MCTP2: variants seen among roughly 807,000 people sequenced by gnomAD.
MCTP2 encodes the protein multiple C2 and transmembrane domain containing 2, also known as multiple C2 and transmembrane domain-containing protein 2.
MCTP2 carries 132 observed loss-of-function variants against 111.6 expected under a neutral mutation model. The ratio of observed to expected loss-of-function variants is 1.18; its 90% CI spans 1.03 to 1.37. The LOEUF (loss-of-function observed/expected upper bound fraction) is 1.37, where lower values mean the gene tolerates loss of function less well. Among genes scored for constraint, MCTP2 ranks in the 40% most tolerant of loss-of-function variants. The probability of loss-of-function intolerance (pLI) is 0.00; values close to 1 mark genes in which losing one functional copy is unlikely to be tolerated. For missense variants in MCTP2, 1,183 were observed against 1,067.9 expected, an observed-to-expected ratio of 1.11 and a Z score of -1.50; for synonymous variants, 395 against 387.7, an observed-to-expected ratio of 1.02 and a Z score of -0.22.
chr15:94,367,529 G>C, intron 10 of MCTP2, 76 bp from the exon 11 acceptor site: 1 of 1,173,002 alleles, frequency 8.5e-7, no homozygotes, highest in East Asian at 2.5e-5. Context: ...TGAAATCAAA[G>C]CCAGGTGCTT....
chr15:94,360,635 T>C (rs1208239370), intron 10 of MCTP2, among the ~76,000 whole-genome samples: 2 of 152,226 alleles, frequency 1.3e-5, no homozygotes, highest in Non-Finnish European at 1.5e-5. Context: ...TCACAAGTCA[T>C]TGTGCTGTCA....
At chr15:94,362,094 A>G (rs2078972304) in intron 10 of MCTP2, among the ~76,000 whole-genome samples, 1 of 152,156 alleles carries the variant, frequency 6.6e-6, no homozygotes, top group African/African-American at 2.4e-5. Flanking sequence ...GGTAAGATCA[A>G]CCATCGCCTG....
At chr15:94,474,538 C>A (rs2152543834) in intron 21 of MCTP2, among the ~76,000 whole-genome samples, 1 of 152,248 alleles carries the variant, frequency 6.6e-6, no homozygotes, top group East Asian at 1.9e-4. Flanking sequence ...TCCTACGTCA[C>A]AACCTTTTTT....
intron 4 of MCTP2, among the ~76,000 whole-genome samples, chr15:94,325,847 G>T (rs58118465): frequency 1.0e-5 from 1 of 98,528 alleles, no homozygotes; most frequent in Admixed American, 1.2e-4. Flanking sequence ...TTGAGACGGA[G>T]TCTTGGTCTG....
chr15:94,320,836 G>A (rs1319573408), intron 4 of MCTP2, among the ~76,000 whole-genome samples: 1 of 152,182 alleles, frequency 6.6e-6, no homozygotes, highest in African/African-American at 2.4e-5. Context: ...CTTATTGAGG[G>A]TCACGTTGGG....
intron 19 of MCTP2, among the ~76,000 whole-genome samples, chr15:94,455,032 G>A (rs2084726612): frequency 6.6e-6 from 1 of 152,196 alleles, no homozygotes; most frequent in Non-Finnish European, 1.5e-5. Flanking sequence ...ATGTTGGCAA[G>A]GCTGGTCTCA....
chr15:94,345,224 C>G (rs1436426830), intron 8 of MCTP2, 60 bp downstream of exon 8: 3 of 1,474,516 alleles, frequency 2.0e-6, no homozygotes, highest in Non-Finnish European at 2.8e-6. Flanking sequence ...TTGTAGCAAA[C>G]AAAAATGACT....
At chr15:94,384,774 T>A (rs1302691833) in intron 13 of MCTP2, among the ~76,000 whole-genome samples, 2 of 152,156 alleles carry the variant, frequency 1.3e-5, no homozygotes, top group Admixed American at 6.5e-5. Context: ...TTGAGTAGAG[T>A]TAATGCTATT....
At chr15:94,242,433 T>C (rs1008272377) in intron 1 of MCTP2, among the ~76,000 whole-genome samples, 6 of 152,108 alleles carry the variant, frequency 3.9e-5, no homozygotes, top group African/African-American at 1.4e-4. Context: ...CTACAGAGGT[T>C]TGGGTAAGTG....
At chr15:94,446,167 T>C (rs1275289636) in intron 19 of MCTP2, among the ~76,000 whole-genome samples, 2 of 152,230 alleles carry the variant, frequency 1.3e-5, no homozygotes, top group African/African-American at 4.8e-5. Context: ...GCCTTTTCTT[T>C]TGCAGACTTT....
chr15:94,260,825 A>G (rs981794629), intron 1 of MCTP2, among the ~76,000 whole-genome samples: 3 of 152,260 alleles, frequency 2.0e-5, no homozygotes, highest in Admixed American at 2.0e-4. Flanking sequence ...AGTTCAGGCC[A>G]TGATGGGAGG....
intron 1 of MCTP2, among the ~76,000 whole-genome samples, chr15:94,254,333 G>A (rs1209052454): frequency 6.6e-6 from 1 of 152,152 alleles, no homozygotes; most frequent in African/African-American, 2.4e-5. Context: ...TGGCAATCTA[G>A]CCTAAGGTAT....
intron 1 of MCTP2, 37 bp from the exon 2 acceptor site, chr15:94,298,164 G>A: frequency 1.4e-6 from 1 of 739,192 alleles, no homozygotes; most frequent in Non-Finnish European, 2.0e-6. Flanking sequence ...TTTTTTTTTT[G>A]TTTGTTTGTT....
At chr15:94,392,141 G>C (rs1351166723) in intron 14 of MCTP2, among the ~76,000 whole-genome samples, 1 of 151,348 alleles carries the variant, frequency 6.6e-6, no homozygotes, top group Non-Finnish European at 1.5e-5. Context: ...GGAGGCTGAG[G>C]TGGGCGGATC....
At chr15:94,435,466 A>G (rs1406048723) in intron 17 of MCTP2, among the ~76,000 whole-genome samples, 2 of 151,896 alleles carry the variant, frequency 1.3e-5, no homozygotes, top group Non-Finnish European at 2.9e-5. Context: ...TTTTGCTGCT[A>G]GTATTAACAT....
In MCTP2 at chr15:94,356,146, A is replaced by T; in HGVS notation, c.1015A>T (p.Ile339Leu). 6.3e-7 allele frequency: 1 copy of T among 1,597,146 alleles called. No individual in the cohort carries two copies. The highest frequency in any genetic ancestry group is 1.1e-5 in the South Asian group (1 of 87,106). The change falls in exon 9 of 23, where the codon ATA becomes TTA. Residue 339 changes from isoleucine (I) to leucine (L), a missense_variant. Physicochemically the swap from Ile to Leu is conservative, Grantham distance 5 (BLOSUM62 2). Transcript: ENST00000357742. ...TTATTTTTTGCTTTAGTCCTCTTTG[A>T]TACGCAACCTACGGCTCTCTGAGTC... ...KRLSASKSSL[I>L]RNLRLSESLK...
intron 1 of MCTP2, among the ~76,000 whole-genome samples, chr15:94,241,894 G>C (rs895674318): frequency 1.3e-5 from 2 of 152,046 alleles, no homozygotes; most frequent in Non-Finnish European, 2.9e-5. Context: ...ATATTAAAGA[G>C]ACTTTGAATT....
chr15:94,392,838 C>CAA (rs1004062019), intron 14 of MCTP2, among the ~76,000 whole-genome samples: 2 of 148,568 alleles, frequency 1.3e-5, no homozygotes, highest in African/African-American at 5.0e-5. Flanking sequence ...AACAAACAAA[C>CAA]AAAAAAAAAC....
At chr15:94,458,776 C>G (rs2085001162) in intron 20 of MCTP2, among the ~76,000 whole-genome samples, 1 of 152,084 alleles carries the variant, frequency 6.6e-6, no homozygotes, top group Admixed American at 6.5e-5. Flanking sequence ...AGAAAGTTGA[C>G]AATATTTTCA....
Sources: gnomAD v4.1 joint callset for allele counts (sites outside exome capture counted in the v4.1 genomes callset) on GRCh38, gnomAD v4.1.1 for gene constraint, MANE v1.5 for transcripts, NCBI Gene and HGNC (gene_info 2026-07-23, HGNC 2026-07-21) for gene names.